SHC4: variants seen among roughly 807,000 people sequenced by gnomAD.
SHC4 encodes the protein SHC-transforming protein 4.
SHC4 carries 41 observed loss-of-function variants against 69.4 expected under a neutral mutation model. The observed-to-expected ratio is 0.59, with a 90% CI of 0.46 to 0.77. The LOEUF (loss-of-function observed/expected upper bound fraction) is 0.77, where lower values mean the gene tolerates loss of function less well. SHC4 is among the 30% of genes least tolerant of loss of function. SHC4 has a pLI of 0.00. For synonymous variants in SHC4, 318 were observed against 299.3 expected, an observed-to-expected ratio of 1.06 and a Z score of -0.64; for missense variants, 777 against 783.8, an observed-to-expected ratio of 0.99 and a Z score of 0.10.
At chr15:48,837,315 G>A (rs185792163) in intron 10 of SHC4, among the ~76,000 whole-genome samples, 2 of 152,252 alleles carry the variant, frequency 1.3e-5, no homozygotes, top group East Asian at 3.9e-4. Flanking sequence ...CCAAACATTT[G>A]CTGAAAATCT....
At chr15:48,889,586 T>C (rs1900096006) in intron 3 of SHC4, among the ~76,000 whole-genome samples, 1 of 152,246 alleles carries the variant, frequency 6.6e-6, no homozygotes, top group South Asian at 2.1e-4. Context: ...GGCTCACGCC[T>C]GTGGCCCCAG....
intron 2 of SHC4, among the ~76,000 whole-genome samples, chr15:48,900,622 C>T (rs190032158): frequency 6.6e-6 from 1 of 152,186 alleles, no homozygotes; most frequent in Admixed American, 6.5e-5. Flanking sequence ...GAGAGAGTGG[C>T]CTGCATTCTC....
At chr15:48,867,983 TAA>T in intron 5 of SHC4, 114 bp from the exon 6 acceptor site, 2 of 802,182 alleles carry the variant, frequency 2.5e-6, no homozygotes, top group East Asian at 5.0e-5. Context: ...GTTTTTTATT[TAA>T]AGAGACAAGA....
chr15:48,916,986 T>C (rs752406908), intron 2 of SHC4, among the ~76,000 whole-genome samples: 6 of 152,208 alleles, frequency 3.9e-5, no homozygotes, highest in Admixed American at 1.3e-4. Flanking sequence ...AAATAAATGT[T>C]CCCTTTGCAA....
chr15:48,857,943 G>T, intron 6 of SHC4, 128 bp from the exon 7 acceptor site: 1 of 623,534 alleles, frequency 1.6e-6, no homozygotes, highest in Non-Finnish European at 2.3e-6. Flanking sequence ...CAAGCTCTCT[G>T]CAGCCATGAA....
At chr15:48,838,282 A>G (rs1898933220) in intron 10 of SHC4, among the ~76,000 whole-genome samples, 1 of 152,218 alleles carries the variant, frequency 6.6e-6, no homozygotes, top group South Asian at 2.1e-4. Flanking sequence ...TGGGTGATTG[A>G]AAATTTTTGT....
At position 48,962,464 on chromosome 15, in the gene SHC4, G is replaced by T; in HGVS notation, c.552C>A (p.His184Gln). 1 of 1,528,938 alleles carries T rather than the reference G, an allele frequency of 6.5e-7. No homozygotes were observed. Among genetic ancestry groups the T allele is most frequent in the African/African-American group, 1.4e-5 (1 of 72,258 alleles). 94.7% of individuals were successfully genotyped at this position (1,528,938 alleles called of 1,614,324 possible). Residue 184 changes from histidine to glutamine, a missense_variant, in exon 1 of 12, where the codon CAC (histidine) becomes CAA (glutamine). His to Gln is a conservative substitution (Grantham distance 24). Transcript: ENST00000332408. ...RSRQDRHFLQHLLGMGMNYCV... is the reference protein window; with the variant it reads ...RSRQDRHFLQQLLGMGMNYCV... ...AGTAGTTCATGCCCATCCCCAACAG[G>T]TGCTGTAGAAAGTGCCTGTCCTGCC... is the stretch of plus-strand genomic sequence containing the variant.
chr15:48,900,043 G>T (rs145277609), intron 2 of SHC4, among the ~76,000 whole-genome samples: 1 of 152,260 alleles, frequency 6.6e-6, no homozygotes, highest in African/African-American at 2.4e-5. Flanking sequence ...AAGGAATGAG[G>T]TCACCTCTTC....
At chr15:48,837,752 G>T (rs1181627216) in intron 10 of SHC4, among the ~76,000 whole-genome samples, 1 of 152,066 alleles carries the variant, frequency 6.6e-6, no homozygotes. Context: ...AAGACATATT[G>T]TTCACAATCA....
chr15:48,906,355 T>C (rs1198332492), intron 2 of SHC4, among the ~76,000 whole-genome samples: 2 of 152,192 alleles, frequency 1.3e-5, no homozygotes, highest in African/African-American at 4.8e-5. Flanking sequence ...AATGTCTTCT[T>C]TTCCTTTTGA....
chr15:48,927,752 C>T (rs1447808105), intron 1 of SHC4, among the ~76,000 whole-genome samples: 4 of 152,188 alleles, frequency 2.6e-5, no homozygotes, highest in South Asian at 2.1e-4. Flanking sequence ...GGCTCTCCTA[C>T]ACAGTTCTGC....
At chr15:48,960,375 C>T (rs889017921) in intron 1 of SHC4, among the ~76,000 whole-genome samples, 8 of 152,168 alleles carry the variant, frequency 5.3e-5, no homozygotes, top group African/African-American at 1.9e-4. Flanking sequence ...GGTTTGGAGA[C>T]TCACTCGTTT....
Position 48,889,065 on chromosome 15 carries a change from G to A in SHC4, c.720+1683C>T, listed in dbSNP as rs887659968. ...ACTAGCTGCTTTTCTGTTTTTCTCT[G>A]CAAGTGTACTTTCCGGATAGATGAT... is the stretch of plus-strand genomic sequence containing the variant. On this transcript the variant is annotated intron_variant, in intron 3 of 11. Coordinates refer to ENST00000332408, the MANE Select transcript of SHC4 (RefSeq NM_203349.4). Among the ~76,000 whole-genome samples the A allele has an allele frequency of 8.5e-5, 13 of 152,244 alleles. 1 individual carries two copies. The highest frequency in any genetic ancestry group is 6.5e-4 in the Admixed American group (10 of 15,278).
intron 5 of SHC4, among the ~76,000 whole-genome samples, chr15:48,868,287 T>C (rs745754540): frequency 4.6e-5 from 7 of 152,212 alleles, no homozygotes; most frequent in African/African-American, 7.2e-5. Flanking sequence ...TCCAAACATA[T>C]ACCACATACA....
intron 2 of SHC4, among the ~76,000 whole-genome samples, chr15:48,895,119 G>A (rs1900202687): frequency 6.6e-6 from 1 of 151,942 alleles, no homozygotes; most frequent in Non-Finnish European, 1.5e-5. Flanking sequence ...CCTATTTACT[G>A]AGCACTCTTT....
At chr15:48,857,386 C>T (rs1285200806) in intron 7 of SHC4, among the ~76,000 whole-genome samples, 1 of 151,682 alleles carries the variant, frequency 6.6e-6, no homozygotes, top group Non-Finnish European at 1.5e-5. Context: ...ATTTTGATTT[C>T]AATTAATTAA....
At chr15:48,876,190 G>A (rs1448526581) in intron 4 of SHC4, among the ~76,000 whole-genome samples, 2 of 152,150 alleles carry the variant, frequency 1.3e-5, no homozygotes, top group Non-Finnish European at 2.9e-5. Context: ...CTTCAGGGAC[G>A]AACAACAACT....
chr15:48,843,735 G>T, intron 9 of SHC4, 147 bp from the exon 10 acceptor site: 1 of 741,032 alleles, frequency 1.3e-6, no homozygotes, highest in Non-Finnish European at 2.0e-6. Flanking sequence ...GGTTTGACTT[G>T]GAAAATCAAA....
intron 8 of SHC4, 39 bp from the exon 9 acceptor site, chr15:48,851,287 G>A: frequency 1.9e-6 from 3 of 1,600,184 alleles, no homozygotes; most frequent in Non-Finnish European, 2.6e-6. Context: ...TACAAACATA[G>A]TACACATTCA....
Sources: gnomAD v4.1 joint callset for allele counts (sites outside exome capture counted in the v4.1 genomes callset) on GRCh38, gnomAD v4.1.1 for gene constraint, MANE v1.5 for transcripts, NCBI Gene and HGNC (gene_info 2026-07-23, HGNC 2026-07-21) for gene names.